CSMD1: variants seen among roughly 807,000 people sequenced by gnomAD.
CSMD1 encodes the protein CUB and Sushi multiple domains 1, also known as CUB and sushi domain-containing protein 1.
Under a neutral mutation model 417.5 loss-of-function variants are expected in CSMD1, and 213 were observed. That is an observed-to-expected ratio of 0.51 (90% CI 0.46 to 0.57). The LOEUF (loss-of-function observed/expected upper bound fraction) is 0.57. Among genes scored for constraint, CSMD1 ranks in the 20% least tolerant of loss-of-function variants. The pLI is 0.00. For missense variants in CSMD1, 6,923 were observed against 4,529.7 expected (o/e 1.53, Z -15.17); for synonymous variants, 2,862 against 1,736.8 (o/e 1.65, Z -16.11).
chr8:4,101,793 T>G (rs146875497), intron 3 of CSMD1, among the ~76,000 whole-genome samples: 1 of 151,806 alleles, frequency 6.6e-6, no homozygotes, highest in East Asian at 1.9e-4. Flanking sequence ...TACAGAAGTC[T>G]GTGAGTTCAA....
intron 2 of CSMD1, among the ~76,000 whole-genome samples, chr8:4,425,013 T>A (rs1400693562): frequency 2.0e-5 from 3 of 152,040 alleles, no homozygotes; most frequent in Non-Finnish European, 4.4e-5. Flanking sequence ...TAACAAAACA[T>A]TAAATTCTAA....
intron 3 of CSMD1, among the ~76,000 whole-genome samples, chr8:4,381,815 C>G (rs573085699): frequency 2.8e-4 from 42 of 152,130 alleles, no homozygotes; most frequent in African/African-American, 8.7e-4. Context: ...GACTTAGTTT[C>G]ATCTTTTCTA....
intron 3 of CSMD1, among the ~76,000 whole-genome samples, chr8:4,037,016 G>A (rs1368656454): frequency 1.3e-5 from 2 of 151,310 alleles, no homozygotes; most frequent in Non-Finnish European, 2.9e-5. Flanking sequence ...ATGGTAGTGT[G>A]TCCTGTCCAG....
At chr8:3,682,428 G>C (rs1056256390) in intron 7 of CSMD1, among the ~76,000 whole-genome samples, 1 of 152,054 alleles carries the variant, frequency 6.6e-6, no homozygotes, top group Non-Finnish European at 1.5e-5. Flanking sequence ...GCAGCCAACA[G>C]ACACATGAAA....
At chr8:3,998,607 G>C (rs778107718) in intron 4 of CSMD1, among the ~76,000 whole-genome samples, 1 of 152,132 alleles carries the variant, frequency 6.6e-6, no homozygotes, top group South Asian at 2.1e-4. Context: ...TAGCTATTGA[G>C]TAACATAAAA....
intron 5 of CSMD1, among the ~76,000 whole-genome samples, chr8:3,835,705 G>C (rs1052843900): frequency 7.7e-5 from 10 of 130,688 alleles, no homozygotes; most frequent in Non-Finnish European, 1.1e-4. Flanking sequence ...GAAACTTAAA[G>C]TATAATAAAA....
chr8:3,044,800 A>G (rs1313245029), intron 50 of CSMD1, among the ~76,000 whole-genome samples: 1 of 152,228 alleles, frequency 6.6e-6, no homozygotes, highest in Non-Finnish European at 1.5e-5. Flanking sequence ...TCAAAGCTGA[A>G]GTATTTATCT....
At chr8:3,434,331 T>C (rs891067535) in intron 12 of CSMD1, among the ~76,000 whole-genome samples, 65 of 152,338 alleles carry the variant, frequency 4.3e-4, no homozygotes, top group African/African-American at 1.4e-3. Context: ...GATGTTCCTA[T>C]ATGTAATACC....
At chr8:3,183,927 T>A (rs1483017032) in intron 36 of CSMD1, among the ~76,000 whole-genome samples, 1 of 152,258 alleles carries the variant, frequency 6.6e-6, no homozygotes, top group Non-Finnish European at 1.5e-5. Context: ...AACTTGTTTT[T>A]TTGAGCCTGA....
At chr8:4,087,177 AG>A (rs1800464867) in intron 3 of CSMD1, among the ~76,000 whole-genome samples, 1 of 152,118 alleles carries the variant, frequency 6.6e-6, no homozygotes, top group African/African-American at 2.4e-5. Context: ...ACCTCCTTTC[AG>A]GGCATCTCAG....
At chr8:3,544,874 T>C (rs75114839) in intron 10 of CSMD1, among the ~76,000 whole-genome samples, 1,786 of 152,264 alleles carry the variant, frequency 0.012, 29 homozygotes, top group African/African-American at 0.041. Flanking sequence ...GTAAGTAAAA[T>C]GTCAATATGG....
intron 5 of CSMD1, among the ~76,000 whole-genome samples, chr8:3,969,714 T>C (rs1048899579): frequency 3.9e-5 from 6 of 152,212 alleles, no homozygotes; most frequent in African/African-American, 1.2e-4. Flanking sequence ...AAGGATGATT[T>C]TGACAATAAA....
At chr8:3,968,355 G>C (rs577775110) in intron 5 of CSMD1, among the ~76,000 whole-genome samples, 12 of 152,266 alleles carry the variant, frequency 7.9e-5, no homozygotes, top group Admixed American at 1.3e-4. Context: ...GATCCTACAA[G>C]AATCCAACCT....
intron 3 of CSMD1, among the ~76,000 whole-genome samples, chr8:4,201,790 C>A (rs1393245419): frequency 6.6e-6 from 1 of 151,580 alleles, no homozygotes; most frequent in Non-Finnish European, 1.5e-5. Flanking sequence ...ATGTACCTAA[C>A]CTCCTGCACG....
chr8:4,459,736 A>T (rs1233182128), intron 2 of CSMD1, among the ~76,000 whole-genome samples: 1 of 152,220 alleles, frequency 6.6e-6, no homozygotes, highest in Non-Finnish European at 1.5e-5. Flanking sequence ...ATCAGGTGGA[A>T]ATTTATTAGT....
chr8:3,628,061 C>T lies in CSMD1; in HGVS notation c.1010-11264G>A, dbSNP rs79801224. Among the ~76,000 whole-genome samples, 19 of 152,124 alleles carry T rather than the reference C, an allele frequency of 1.2e-4. No homozygotes were observed. The East Asian group carries it at 2.3e-3, about 19-fold the overall frequency. ...ATATAAAGCAGATTAAAAAACAGAACGTGGTGTAATTCTATTTTTTTAAAT... is the reference window on the plus strand; with the variant it reads ...ATATAAAGCAGATTAAAAAACAGAATGTGGTGTAATTCTATTTTTTTAAAT... On this transcript the variant is annotated intron_variant, in intron 7 of 69. Coordinates refer to ENST00000635120, the MANE Select transcript of CSMD1 (RefSeq NM_033225.6).
chr8:3,383,890 T>C (rs1357328747), intron 18 of CSMD1, among the ~76,000 whole-genome samples: 4 of 152,258 alleles, frequency 2.6e-5, no homozygotes, highest in Non-Finnish European at 5.9e-5. Flanking sequence ...TATTAGATGA[T>C]GAGAAGCAGC....
intron 7 of CSMD1, among the ~76,000 whole-genome samples, chr8:3,676,308 G>A (rs78319077): frequency 0.028 from 4,299 of 152,232 alleles, 223 homozygotes; most frequent in African/African-American, 0.097. Context: ...AAGTTCCTAA[G>A]CTGTATTCTT....
At chr8:4,034,068 T>A (rs570311394) in intron 3 of CSMD1, among the ~76,000 whole-genome samples, 9 of 152,242 alleles carry the variant, frequency 5.9e-5, no homozygotes, top group Non-Finnish European at 1.0e-4. Flanking sequence ...ATCCATTGTC[T>A]TTGCATCGGC....
Sources: allele counts gnomAD v4.1 joint callset (sites outside exome capture counted in the v4.1 genomes callset), GRCh38; gene constraint gnomAD v4.1.1; transcripts MANE v1.5; gene names NCBI Gene and HGNC (gene_info 2026-07-23, HGNC 2026-07-21).